NDST4: variants seen among roughly 807,000 people sequenced by gnomAD.
The protein encoded by NDST4 is N-heparan sulfate sulfotransferase 4.
In NDST4, 63 loss-of-function variants were observed where a neutral mutation model predicts 100.8. That is an observed-to-expected ratio of 0.62 (90% confidence interval 0.51 to 0.77). The LOEUF is 0.77. Among genes scored for constraint, NDST4 ranks in the 30% least tolerant of loss-of-function variants. NDST4 has a pLI of 0.00. For synonymous variants in NDST4, 377 were observed against 361.8 expected (o/e 1.04, Z -0.48); for missense variants, 943 against 1,018.4 (o/e 0.93, Z 1.01).
intron 2 of NDST4, among the ~76,000 whole-genome samples, chr4:115,005,620 G>C (rs1727395664): frequency 6.6e-6 from 1 of 152,120 alleles, no homozygotes; most frequent in Non-Finnish European, 1.5e-5. Flanking sequence ...GATCCTAAAA[G>C]TGCAGGGTTT....
rs556391631 is a variant in NDST4, at chr4:114,849,761, C to T, written c.1817-1423G>A. 3.9e-5 allele frequency among the ~76,000 whole-genome samples: 6 copies of T among 151,998 alleles called. No homozygotes were observed. In the South Asian group the frequency reaches 8.6e-4, roughly 22 times the overall value. ...ATTTAAGGAATAACAAATGTGAAAT[C>T]GAATTATACAAACTTGATTAAAAGA... On this transcript the variant is annotated intron_variant, in intron 8 of 13. Coordinates refer to ENST00000264363, the MANE Select transcript of NDST4 (RefSeq NM_022569.3).
At chr4:114,899,027 G>A (rs373821601) in intron 6 of NDST4, among the ~76,000 whole-genome samples, 31 of 151,878 alleles carry the variant, frequency 2.0e-4, no homozygotes, top group African/African-American at 6.0e-4. Context: ...TTTCTTTGTC[G>A]TATTGGCTGA....
chr4:114,897,157 T>C (rs1446382211), intron 6 of NDST4, among the ~76,000 whole-genome samples: 1 of 152,170 alleles, frequency 6.6e-6, no homozygotes, highest in African/African-American at 2.4e-5. Context: ...TTTAGACAGA[T>C]GTATAATGGC....
intron 2 of NDST4, among the ~76,000 whole-genome samples, chr4:115,046,998 C>T (rs192760210): frequency 1.3e-5 from 2 of 152,046 alleles, no homozygotes; most frequent in Admixed American, 1.3e-4. Flanking sequence ...ACAGCTTAAG[C>T]ACTTAATGAT....
intron 11 of NDST4, 109 bp downstream of exon 11, chr4:114,839,269 A>G: frequency 1.9e-6 from 2 of 1,043,240 alleles, no homozygotes; most frequent in South Asian, 1.9e-5. Context: ...TGTCAGTGCA[A>G]TACAATCATG....
At chr4:114,901,516 C>T (rs1255087035) in intron 6 of NDST4, among the ~76,000 whole-genome samples, 2 of 151,744 alleles carry the variant, frequency 1.3e-5, no homozygotes, top group Non-Finnish European at 2.9e-5. Flanking sequence ...AATCTATATG[C>T]GTCTTTATAT....
intron 2 of NDST4, among the ~76,000 whole-genome samples, chr4:115,062,128 C>T (rs1251959760): frequency 6.6e-6 from 1 of 151,796 alleles, no homozygotes; most frequent in Non-Finnish European, 1.5e-5. Flanking sequence ...CAAAAATGAA[C>T]AACACTCAAA....
chr4:114,831,122 G>T (rs1189485963), intron 12 of NDST4, among the ~76,000 whole-genome samples: 3 of 147,814 alleles, frequency 2.0e-5, no homozygotes, highest in Non-Finnish European at 4.5e-5. Flanking sequence ...GCGCAATCTC[G>T]GCTCACTGCA....
intron 1 of NDST4, among the ~76,000 whole-genome samples, chr4:115,081,784 A>C (rs1367132747): frequency 6.6e-6 from 1 of 152,174 alleles, no homozygotes; most frequent in Non-Finnish European, 1.5e-5. Context: ...CAAGAAACAG[A>C]AACATTTGAG....
chr4:115,072,212 A>G (rs987826460), intron 2 of NDST4, among the ~76,000 whole-genome samples: 1 of 152,100 alleles, frequency 6.6e-6, no homozygotes, highest in African/African-American at 2.4e-5. Flanking sequence ...GAAGGCACCA[A>G]TAAATGGAAA....
intron 2 of NDST4, among the ~76,000 whole-genome samples, chr4:114,990,393 T>A (rs1727011483): frequency 2.0e-5 from 3 of 152,132 alleles, no homozygotes; most frequent in Non-Finnish European, 4.4e-5. Context: ...GATACAACAT[T>A]CTTTGTATTG....
chr4:115,097,148 T>C (rs1474641381), intron 1 of NDST4, among the ~76,000 whole-genome samples: 2 of 152,144 alleles, frequency 1.3e-5, no homozygotes, highest in Admixed American at 1.3e-4. Context: ...TTTCTATTTA[T>C]ATTCACTTCC....
chr4:115,025,545 T>A (rs989928035), intron 2 of NDST4, among the ~76,000 whole-genome samples: 20 of 152,280 alleles, frequency 1.3e-4, no homozygotes, highest in Admixed American at 2.6e-4. Context: ...AAAATTTAAA[T>A]TTATTAGTAG....
intron 2 of NDST4, among the ~76,000 whole-genome samples, chr4:115,042,248 T>C (rs1007445275): frequency 1.3e-5 from 2 of 152,142 alleles, no homozygotes; most frequent in Non-Finnish European, 2.9e-5. Flanking sequence ...AGTGTATCTA[T>C]GCTATATACA....
At chr4:115,070,788 T>G (rs1377292334) in intron 2 of NDST4, among the ~76,000 whole-genome samples, 1 of 152,124 alleles carries the variant, frequency 6.6e-6, no homozygotes, top group East Asian at 1.9e-4. Context: ...TTAGAAATAA[T>G]GAGCATTTAA....
At chr4:114,930,931 CA>C (rs1009036882) in intron 6 of NDST4, among the ~76,000 whole-genome samples, 4 of 150,428 alleles carry the variant, frequency 2.7e-5, no homozygotes, top group African/African-American at 4.9e-5. Flanking sequence ...CTTTGATTCC[CA>C]AAAAAAAATT....
rs1560787910 is a variant in NDST4, at chr4:114,870,834, CAG to C, written c.1651_1652del (p.Leu551AlafsTer11). On this transcript the variant is annotated frameshift_variant, in exon 7 of 14. Coordinates refer to ENST00000264363, the MANE Select transcript of NDST4 (RefSeq NM_022569.3). LOFTEE classifies it high-confidence loss of function. ...ACTGGTGGGCCAGTTGCACTGGAGG[CAG>C]AGTTTGCAATTTCAGGTTGGTCCAG... ...QSWTNLKLQT[L>X]PPVQLAHQYF... 1 of 1,612,996 alleles carries C rather than the reference CAG, an allele frequency of 6.2e-7. No individual in the cohort carries two copies. The highest frequency in any genetic ancestry group is 8.5e-7 in the Non-Finnish European group (1 of 1,179,312).
intron 2 of NDST4, among the ~76,000 whole-genome samples, chr4:114,990,812 C>T (rs538372956): frequency 5.9e-5 from 9 of 151,876 alleles, no homozygotes; most frequent in Non-Finnish European, 1.3e-4. Flanking sequence ...AACTTTATGC[C>T]CCAGACATCA....
intron 2 of NDST4, among the ~76,000 whole-genome samples, chr4:115,038,293 C>T (rs1728275908): frequency 6.6e-6 from 1 of 152,060 alleles, no homozygotes; most frequent in Non-Finnish European, 1.5e-5. Context: ...AATAGGAAAT[C>T]ATTATAATTA....
Sources: allele counts gnomAD v4.1 joint callset (sites outside exome capture counted in the v4.1 genomes callset), GRCh38; gene constraint gnomAD v4.1.1; transcripts MANE v1.5; gene names NCBI Gene and HGNC (gene_info 2026-07-23, HGNC 2026-07-21).